TMEM120B: variants seen among roughly 807,000 people sequenced by gnomAD.
TMEM120B encodes transmembrane protein 120B.
Under a neutral mutation model 55.5 loss-of-function variants are expected in TMEM120B, and 31 were observed. That is an observed-to-expected ratio of 0.56 (90% CI 0.42 to 0.75). The LOEUF is 0.75. Among genes scored for constraint, TMEM120B ranks in the 30% least tolerant of loss-of-function variants. TMEM120B has a pLI of 0.00. For missense variants in TMEM120B, 399 were observed against 425.5 expected, an observed-to-expected ratio of 0.94 and a Z score of 0.55; for synonymous variants, 203 against 176.3, an observed-to-expected ratio of 1.15 and a Z score of -1.20.
At chr12:121,733,247 C>CT (rs1199733166) in intron 1 of TMEM120B, among the ~76,000 whole-genome samples, 4 of 151,886 alleles carry the variant, frequency 2.6e-5, no homozygotes, top group Non-Finnish European at 4.4e-5. Context: ...TCCATATATT[C>CT]TTTTTTTATT....
rs1036588367 is a variant in TMEM120B, at chr12:121,779,251, C to T, written c.*3529C>T. ...GGGGTGGCTGTGATGAGGGCACTTG[C>T]GAGTCCCGACAACAGACACTGGCTC... On this transcript the variant is annotated 3_prime_UTR_variant, in exon 12 of 12. Coordinates refer to ENST00000449592, the MANE Select transcript of TMEM120B (RefSeq NM_001080825.2). The T allele has an allele frequency of 3.7e-6, 2 of 546,530 alleles. No individual in the cohort carries two copies. Among genetic ancestry groups the T allele is most frequent in the South Asian group, 2.2e-5 (1 of 44,790 alleles). 33.9% of individuals were successfully genotyped at this position (546,530 alleles called of 1,614,324 possible). A position where few individuals can be genotyped will look rare whatever the true frequency, so the allele number is the denominator to read the frequency against.
chr12:121,764,884 A>G (rs1431504266), intron 6 of TMEM120B, among the ~76,000 whole-genome samples: 1 of 152,112 alleles, frequency 6.6e-6, no homozygotes, highest in Non-Finnish European at 1.5e-5. Context: ...TCCCTTGCCT[A>G]ACAGTTTAGC....
Position 121,775,993 on chromosome 12 carries a change from T to G in TMEM120B, c.*271T>G. The G allele has an allele frequency of 1.7e-6, 1 of 592,882 alleles. No individual in the cohort carries two copies. The highest frequency in any genetic ancestry group is 3.0e-6 in the Non-Finnish European group (1 of 332,446). 36.7% of individuals were successfully genotyped at this position (592,882 alleles called of 1,614,324 possible). On this transcript the variant is annotated 3_prime_UTR_variant, in exon 12 of 12. Transcript: ENST00000449592. The surrounding 1 kb of genome is among the most constrained non-coding windows in gnomAD (Gnocchi z 4.3). ...TTGAAGGTGGCTGAGGCCGGGCCAG[T>G]CTTCCTGGGGATGGGGCCTGAAGCC...
chr12:121,761,409 G>A (rs1369959656), intron 5 of TMEM120B, among the ~76,000 whole-genome samples: 2 of 152,236 alleles, frequency 1.3e-5, no homozygotes, highest in African/African-American at 4.8e-5. Context: ...CTCAGCTGGA[G>A]CTTGAAGCGC....
At position 121,779,601 on chromosome 12, in the gene TMEM120B, C is replaced by T. The variant is rs61751318; in HGVS notation, c.*3879C>T. 0.017 allele frequency: 27,771 copies of T among 1,614,218 alleles called. 312 individuals carry two copies. Among genetic ancestry groups the T allele is most frequent in the Non-Finnish European group, 0.019 (22,970 of 1,180,038 alleles). ...CCGGAAGACGTCCTCCACATTCTCC[C>T]GAAACTTGGCGGAACATTCCAGGTA... On this transcript the variant is annotated 3_prime_UTR_variant, in exon 12 of 12. Coordinates refer to ENST00000449592, the MANE Select transcript of TMEM120B (RefSeq NM_001080825.2).
chr12:121,736,197 G>A (rs975080952), intron 1 of TMEM120B, among the ~76,000 whole-genome samples: 2 of 151,054 alleles, frequency 1.3e-5, no homozygotes, highest in African/African-American at 4.9e-5. Flanking sequence ...TTTTAAGACG[G>A]CGTGTCTCGC....
chr12:121,752,238 C>T lies in TMEM120B; in HGVS notation c.461+15C>T, dbSNP rs377058522. ...CTTCACTACAGGTAGTGGGTGTGGC[C>T]GTGTGTGCCTGGGCCTGGGCATGCA... is the stretch of plus-strand genomic sequence containing the variant. On this transcript the variant is annotated intron_variant, in intron 5 of 11. Transcript: ENST00000449592. The T allele has an allele frequency of 6.7e-5, 108 of 1,610,662 alleles. No individual in the cohort carries two copies. Among genetic ancestry groups the T allele is most frequent in the Admixed American group, 1.2e-4 (7 of 59,958 alleles).
chr12:121,778,731 A>AGC lies in TMEM120B; in HGVS notation c.*3009_*3010insGC. 6.6e-6 allele frequency: 1 copy of AGC among 152,330 alleles called. No homozygotes were observed. Among genetic ancestry groups the AGC allele is most frequent in the Non-Finnish European group, 1.5e-5 (1 of 68,068 alleles). The allele number at this position is 152,330 out of a possible 1,614,324, so 9.4% of individuals were successfully genotyped here. On this transcript the variant is annotated 3_prime_UTR_variant, in exon 12 of 12. Coordinates refer to ENST00000449592, the MANE Select transcript of TMEM120B (RefSeq NM_001080825.2). ...GTCCTGTCCTACCACAGTGGGGGGAACAGTCCACAGAAAACTTGCTCATGA... is the reference window on the plus strand; with the variant it reads ...GTCCTGTCCTACCACAGTGGGGGGAAGCCAGTCCACAGAAAACTTGCTCATGA...
At position 121,712,806 on chromosome 12, in the gene TMEM120B, C is replaced by T. The variant is rs1166905739; in HGVS notation, c.-90C>T. The T allele has an allele frequency of 5.0e-6, 5 of 1,000,096 alleles. No homozygotes were observed. Among genetic ancestry groups the T allele is most frequent in the East Asian group, 3.6e-5 (1 of 27,778 alleles). 62.0% of individuals were successfully genotyped at this position (1,000,096 alleles called of 1,614,324 possible). On this transcript the variant is annotated 5_prime_UTR_variant, in exon 1 of 12. Coordinates refer to ENST00000449592, the MANE Select transcript of TMEM120B (RefSeq NM_001080825.2). ...AACAGCTGGTGCCTCCGAGGGCGGT[C>T]GGCGAGCGCGCGGGCGTGGGGCGCT...
At chr12:121,713,086 C>T in intron 1 of TMEM120B, 122 bp downstream of exon 1, 1 of 755,272 alleles carries the variant, frequency 1.3e-6, no homozygotes, top group Non-Finnish European at 2.0e-6. Flanking sequence ...CGGAGAGGCC[C>T]TGGGGGCGGA....
chr12:121,774,631 G>T, intron 9 of TMEM120B, 27 bp from the exon 10 acceptor site: 1 of 1,612,488 alleles, frequency 6.2e-7, no homozygotes, highest in Non-Finnish European at 8.5e-7. Flanking sequence ...CCCTCAGCGG[G>T]TCCTTTTTCT....
chr12:121,771,348 G>C (rs1874046311), intron 7 of TMEM120B, 140 bp from the exon 8 acceptor site: 1 of 758,036 alleles, frequency 1.3e-6, no homozygotes, highest in African/African-American at 1.7e-5. Context: ...CCAGCCCCAG[G>C]GATAGAAGGG....
At chr12:121,756,219 C>T (rs574682159) in intron 5 of TMEM120B, among the ~76,000 whole-genome samples, 107 of 152,192 alleles carry the variant, frequency 7.0e-4, no homozygotes, top group African/African-American at 2.3e-3. Context: ...TGAGATGGGC[C>T]GGGTGTGGTG....
At chr12:121,754,454 GAC>G (rs984612329) in intron 5 of TMEM120B, among the ~76,000 whole-genome samples, 13 of 152,232 alleles carry the variant, frequency 8.5e-5, no homozygotes, top group African/African-American at 2.9e-4. Flanking sequence ...TAAAACGACA[GAC>G]ACATTTTCCC....
At chr12:121,722,211 G>T (rs1026305890) in intron 1 of TMEM120B, among the ~76,000 whole-genome samples, 1 of 151,272 alleles carries the variant, frequency 6.6e-6, no homozygotes, top group Non-Finnish European at 1.5e-5. Flanking sequence ...CGATTCTTCT[G>T]CCTCAGCCCC....
At chr12:121,716,330 T>A (rs1894702745) in intron 1 of TMEM120B, among the ~76,000 whole-genome samples, 1 of 150,950 alleles carries the variant, frequency 6.6e-6, no homozygotes, top group Admixed American at 6.6e-5. Context: ...AAAAAGAGAT[T>A]TGTTGGGGAA....
At chr12:121,759,410 G>A (rs115507973) in intron 5 of TMEM120B, among the ~76,000 whole-genome samples, 3 of 152,026 alleles carry the variant, frequency 2.0e-5, no homozygotes, top group Middle Eastern at 3.2e-3. Context: ...GGATGCGGTG[G>A]CTCACGCTTG....
intron 5 of TMEM120B, among the ~76,000 whole-genome samples, chr12:121,761,239 C>T (rs1296438422): frequency 6.6e-6 from 1 of 152,116 alleles, no homozygotes. Flanking sequence ...TCAGCCTCCC[C>T]AAGTGCTGGG....
Position 121,773,403 on chromosome 12 carries a change from G to T in TMEM120B, c.680-18G>T, listed in dbSNP as rs367927875. 6.2e-7 allele frequency: 1 copy of T among 1,601,464 alleles called. No homozygotes were observed. The highest frequency in any genetic ancestry group is 1.1e-5 in the South Asian group (1 of 89,060). On this transcript the variant is annotated intron_variant, in intron 8 of 11. Transcript: ENST00000449592. ...GGGACACCAGGCCCTGAGCCCAGGT[G>T]CTGTGCTCCCCCTGCAGGCTGCGTC...
Sources: gnomAD v4.1 joint callset for allele counts (sites outside exome capture counted in the v4.1 genomes callset) on GRCh38, gnomAD v4.1.1 for gene constraint, Gnocchi (gnomAD v3.1) non-coding constraint, MANE v1.5 for transcripts, NCBI Gene and HGNC (gene_info 2026-07-23, HGNC 2026-07-21) for gene names.